The following ATP1A2 variants were observed in gnomAD, a reference collection of about 807,000 sequenced individuals.
The protein encoded by ATP1A2 is ATPase Na+/K+ transporting subunit alpha 2.
Under a neutral mutation model 113.1 loss-of-function variants are expected in ATP1A2, and 56 were observed. That is an observed-to-expected ratio of 0.49 (90% CI 0.40 to 0.62). The LOEUF (loss-of-function observed/expected upper bound fraction) is 0.62. Ranked by LOEUF, ATP1A2 falls within the 20% of genes least tolerant of loss-of-function variation. The probability of loss-of-function intolerance (pLI) is 0.00; values close to 1 mark genes in which losing one functional copy is unlikely to be tolerated. For missense variants in ATP1A2, 712 were observed against 1,357.8 expected (o/e 0.52, Z 7.47); for synonymous variants, 490 against 526.8 (o/e 0.93, Z 0.96).
At position 160,130,423 on chromosome 1, in the gene ATP1A2, A is replaced by G; in HGVS notation, c.1653A>G (p.Gly551=). 6.2e-7 allele frequency: 1 copy of G among 1,614,112 alleles called. No homozygotes were observed. Among genetic ancestry groups the G allele is most frequent in the Non-Finnish European group, 8.5e-7 (1 of 1,180,022 alleles). Residue 551 remains glycine (G), a splice_region_variant and synonymous_variant, in exon 13 of 23, where the codon GGA becomes GGG. Coordinates refer to ENST00000361216, the MANE Select transcript of ATP1A2 (RefSeq NM_000702.4). The part of the protein sequence containing the change: ...ELGGLGERVL[G]FCQLNLPSGK... ...CTGATCCCTTCTGCCCCCCTTTAGG[A>G]TTCTGTCAACTGAATCTGCCATCTG...
rs941071907 is a variant in ATP1A2 at position 160,143,293 on chromosome 1, T to C, written c.*1971T>C. 3.3e-5 allele frequency: 5 copies of C among 152,440 alleles called. No homozygotes were observed. The highest frequency in any genetic ancestry group is 1.2e-4 in the African/African-American group (5 of 41,456). The allele number at this position is 152,440 out of a possible 1,614,324, so 9.4% of individuals were successfully genotyped here. On this transcript the variant is annotated 3_prime_UTR_variant, in exon 23 of 23. Transcript: ENST00000361216. ...ATCCGATTAATTGGAGATTACTAAC[T>C]GTGGACAAAAGTTTATCTTTGCACA...
In ATP1A2 at chr1:160,136,692, G is replaced by A; in HGVS notation, c.2686G>A (p.Glu896Lys). Residue 896 changes from glutamate to lysine, a missense_variant, in exon 19 of 23, where the codon GAG becomes AAG. Physicochemically the swap from Glu to Lys is moderately conservative, Grantham distance 56. This residue lies in a region of ATP1A2 where 188 missense variants were observed against 438.9 expected (regional missense o/e 0.43). Transcript: ENST00000361216. ...DWDDRTMNDL[E>K]DSYGQEWTYE... ...GGATGACCGGACCATGAATGATCTG[G>A]AGGACAGCTATGGACAGGAGTGGGT... is the stretch of plus-strand genomic sequence containing the variant. 1 of 1,614,242 alleles carries A rather than the reference G, an allele frequency of 6.2e-7. No homozygotes were observed. Among genetic ancestry groups the A allele is most frequent in the Non-Finnish European group, 8.5e-7 (1 of 1,180,050 alleles).
intron 8 of ATP1A2, 140 bp downstream of exon 8, chr1:160,127,960 T>A: frequency 8.2e-7 from 1 of 1,218,492 alleles, no homozygotes; most frequent in East Asian, 2.5e-5. Flanking sequence ...CAGAGATCAC[T>A]TAATACATGG....
Position 160,130,092 on chromosome 1 carries a change from G to A in ATP1A2, c.1462-10G>A. 1.2e-6 allele frequency: 2 copies of A among 1,614,164 alleles called. No homozygotes were observed. The highest frequency in any genetic ancestry group is 2.2e-5 in the East Asian group (1 of 44,886). On this transcript the variant is annotated splice_polypyrimidine_tract_variant and intron_variant, in intron 11 of 22. Transcript: ENST00000361216. ...ATGGCCCTCTCTGTAACTACCTGTTGTCTCTCCAGCTGTCTATCCACGAGC... is the reference window on the plus strand; with the variant it reads ...ATGGCCCTCTCTGTAACTACCTGTTATCTCTCCAGCTGTCTATCCACGAGC...
At chr1:160,130,666 T>A (rs1651743874) in intron 13 of ATP1A2, 69 bp downstream of exon 13, 1 of 1,606,370 alleles carries the variant, frequency 6.2e-7, no homozygotes. Flanking sequence ...CTGCAGTGGC[T>A]GCTGCCCTGG....
At chr1:160,123,143 A>T (rs1002868027) in intron 3 of ATP1A2, 70 bp from the exon 4 acceptor site, 9 of 1,556,254 alleles carry the variant, frequency 5.8e-6, no homozygotes, top group Non-Finnish European at 7.1e-6. Context: ...CGGGAGCTGA[A>T]GGGATGGGCA....
At chr1:160,126,825 T>G (rs906374993) in intron 7 of ATP1A2, among the ~76,000 whole-genome samples, 1 of 152,204 alleles carries the variant, frequency 6.6e-6, no homozygotes, top group African/African-American at 2.4e-5. Context: ...TTCCCACAAT[T>G]GATTTATTCA....
intron 7 of ATP1A2, chr1:160,125,465 C>A (rs1420160020): frequency 7.6e-5 from 44 of 580,294 alleles, no homozygotes; most frequent in Non-Finnish European, 9.6e-5. Flanking sequence ...ATCTCCCTTC[C>A]CCAGGGAGAT....
Position 160,136,165 on chromosome 1 carries a change from G to A in ATP1A2, c.2440-82G>A, listed in dbSNP as rs186657979. 2.7e-4 allele frequency: 434 copies of A among 1,605,356 alleles called. 2 individuals carry two copies. In the East Asian group the frequency reaches 6.8e-3, roughly 25 times the overall value. ...CGCTTTTTTAACTGTGTCAACGATC[G>A]TCACTGTCGAAGATCAATTGCTTCT... On this transcript the variant is annotated intron_variant, in intron 17 of 22. Transcript: ENST00000361216.
intron 1 of ATP1A2, among the ~76,000 whole-genome samples, chr1:160,119,613 C>A (rs1651313849): frequency 6.6e-6 from 1 of 152,108 alleles, no homozygotes; most frequent in Admixed American, 6.5e-5. Flanking sequence ...AGATTTCCCA[C>A]CCTGTCCCCA....
Position 160,136,230 on chromosome 1 carries a change from T to C in ATP1A2, c.2440-17T>C, listed in dbSNP as rs1651931828. On this transcript the variant is annotated splice_polypyrimidine_tract_variant and intron_variant, in intron 17 of 22. Transcript: ENST00000361216. ...CCCTTCAAATGCCCTCCCTGCCCCA[T>C]TTCCTACCCCACACAGGTCCCTGCC... is the stretch of plus-strand genomic sequence containing the variant. 4 of 1,614,098 alleles carry C rather than the reference T, an allele frequency of 2.5e-6. No individual in the cohort carries two copies. In the East Asian group the frequency reaches 8.9e-5, roughly 36 times the overall value.
chr1:160,123,096 C>T (rs1651468030), intron 3 of ATP1A2, 117 bp from the exon 4 acceptor site: 2 of 1,203,670 alleles, frequency 1.7e-6, no homozygotes, highest in African/African-American at 3.0e-5. Context: ...CCCTTCCAAC[C>T]AGGTGGGACT....
chr1:160,133,338 G>A (rs1651825805), intron 13 of ATP1A2, among the ~76,000 whole-genome samples: 6 of 152,106 alleles, frequency 3.9e-5, no homozygotes, highest in Admixed American at 3.9e-4. Flanking sequence ...TTTCAGTGAA[G>A]TGGTGGGAGT....
At chr1:160,129,155 G>T (rs1651687403) in intron 10 of ATP1A2, 66 bp downstream of exon 10, 4 of 1,608,200 alleles carry the variant, frequency 2.5e-6, no homozygotes, top group African/African-American at 1.3e-5. Flanking sequence ...GCTGGCCCCA[G>T]CTTTCCTTCT....
chr1:160,130,501 G>A lies in ATP1A2; in HGVS notation c.1731G>A (p.Thr577=), dbSNP rs148228696. ...KFDTDELNFP[T]EKLCFVGLMS... ...ACACGGATGAGCTGAACTTTCCCAC[G>A]GAGAAGCTTTGCTTTGTGGGGCTCA... The change falls in exon 13 of 23, where the codon ACG becomes ACA. Residue 577 remains threonine (T), a synonymous_variant. Transcript: ENST00000361216. 12 of 1,614,216 alleles carry A rather than the reference G, an allele frequency of 7.4e-6. No homozygotes were observed. The highest frequency in any genetic ancestry group is 3.3e-5 in the Admixed American group (2 of 60,024).
chr1:160,123,057 C>G (rs1461518382), intron 3 of ATP1A2, among the ~76,000 whole-genome samples, 156 bp from the exon 4 acceptor site: 1 of 152,206 alleles, frequency 6.6e-6, no homozygotes, highest in Non-Finnish European at 1.5e-5. Context: ...GCCACCTCCT[C>G]CATGTGGTCT....
chr1:160,139,865 T>A (rs1454158932), intron 21 of ATP1A2, 28 bp from the exon 22 acceptor site: 3 of 1,613,024 alleles, frequency 1.9e-6, no homozygotes, highest in Non-Finnish European at 2.5e-6. Flanking sequence ...CCTCTGATGC[T>A]GCTGACACTC....
chr1:160,128,910 G>T, intron 9 of ATP1A2, 60 bp downstream of exon 9: 2 of 1,605,776 alleles, frequency 1.2e-6, no homozygotes, highest in Non-Finnish European at 8.5e-7. Context: ...CAGTGGCGTG[G>T]TGGGGTGAGT....
intron 20 of ATP1A2, among the ~76,000 whole-genome samples, chr1:160,138,957 A>T (rs1321270676): frequency 6.6e-6 from 1 of 152,224 alleles, no homozygotes; most frequent in East Asian, 1.9e-4. Flanking sequence ...ACCCTATGAT[A>T]AAAAGGTAAA....
Sources: gnomAD v4.1 joint callset for allele counts (sites outside exome capture counted in the v4.1 genomes callset) on GRCh38, gnomAD v4.1.1 for gene constraint, gnomAD v4.1.1 regional missense constraint, MANE v1.5 for transcripts, NCBI Gene and HGNC (gene_info 2026-07-23, HGNC 2026-07-21) for gene names.